The following INSYN2A variants were observed in gnomAD, a reference collection of about 807,000 sequenced individuals.
INSYN2A encodes the protein family with sequence similarity 196 member A.
Under a neutral mutation model 39.4 loss-of-function variants are expected in INSYN2A, and 17 were observed. That is an observed-to-expected ratio of 0.43 (90% CI 0.30 to 0.65). The LOEUF (loss-of-function observed/expected upper bound fraction) is 0.65. INSYN2A is among the 30% of genes least tolerant of loss of function. The pLI is 0.14. For missense variants in INSYN2A, 595 were observed against 631.2 expected (o/e 0.94, Z 0.61); for synonymous variants, 255 against 265.7 (o/e 0.96, Z 0.39).
intron 2 of INSYN2A, among the ~76,000 whole-genome samples, chr10:127,178,108 C>A (rs566353726): frequency 6.6e-6 from 1 of 152,194 alleles, no homozygotes; most frequent in African/African-American, 2.4e-5. Context: ...GAGACAACTT[C>A]ACAGCCACCA....
At chr10:127,163,627 A>G (rs1179687515) in intron 4 of INSYN2A, among the ~76,000 whole-genome samples, 1 of 152,180 alleles carries the variant, frequency 6.6e-6, no homozygotes, top group Non-Finnish European at 1.5e-5. Flanking sequence ...TAGGACTCTC[A>G]CAATTTTGTG....
chr10:127,176,424 G>C lies in INSYN2A; in HGVS notation c.-5-24C>G. 1 of 1,558,106 alleles carries C rather than the reference G, an allele frequency of 6.4e-7. No homozygotes were observed. On this transcript the variant is annotated intron_variant, in intron 3 of 5. Transcript: ENST00000522781. This position sits in a 1 kb window ranked among gnomAD's most constrained non-coding sequence, Gnocchi z 4.4. ...TCCTGCATTCAGAAACAGCAACAGA[G>C]GTGTCAGTGGGACAGAAATACACAC...
rs1182213050 is a variant in INSYN2A at position 127,196,552 on chromosome 10, C to T, written c.-950G>A. On this transcript the variant is annotated 5_prime_UTR_variant, in exon 1 of 6. Coordinates refer to ENST00000522781, the MANE Select transcript of INSYN2A (RefSeq NM_001039762.3). ...AGGGCGCCCCAAGCCGCGCGCCTGC[C>T]GCCTGTGCGCCCGGCTGGCACCGAG... is the stretch of plus-strand genomic sequence containing the variant. 3.4e-5 allele frequency among the ~76,000 whole-genome samples: 5 copies of T among 146,978 alleles called. No individual in the cohort carries two copies. Among genetic ancestry groups the T allele is most frequent in the African/African-American group, 1.2e-4 (5 of 40,748 alleles).
chr10:127,189,952 A>G (rs1174224137), intron 2 of INSYN2A, among the ~76,000 whole-genome samples: 1 of 152,242 alleles, frequency 6.6e-6, no homozygotes, highest in Non-Finnish European at 1.5e-5. Flanking sequence ...TAAGGCTGAG[A>G]GACAGACATC....
At chr10:127,149,331 C>T (rs1258815959) in intron 5 of INSYN2A, among the ~76,000 whole-genome samples, 1 of 152,218 alleles carries the variant, frequency 6.6e-6, no homozygotes, top group Non-Finnish European at 1.5e-5. Flanking sequence ...TGATGTTTCT[C>T]ACCTTTCGCT....
rs972837863 is a variant in INSYN2A, at chr10:127,135,701, G to A, written c.*2136C>T. 1 of 152,580 alleles carries A rather than the reference G, an allele frequency of 6.6e-6. No homozygotes were observed. Among genetic ancestry groups the A allele is most frequent in the East Asian group, 1.9e-4 (1 of 5,190 alleles). The allele number at this position is 152,580 out of a possible 1,614,324, so 9.5% of individuals were successfully genotyped here. A position where few individuals can be genotyped will look rare whatever the true frequency, so the allele number is the denominator to read the frequency against. On this transcript the variant is annotated 3_prime_UTR_variant, in exon 6 of 6. Transcript: ENST00000522781. ...TTAGGGATGAATTAATTTATCTTCA[G>A]AAGTTCCTTTTTGACTCTGAACATT...
chr10:127,192,864 G>C (rs1056961203), intron 1 of INSYN2A, 134 bp from the exon 2 acceptor site: 1 of 152,140 alleles, frequency 6.6e-6, no homozygotes, highest in African/African-American at 2.4e-5. Flanking sequence ...TTTGGTTCCT[G>C]CAAGTCTGTA....
At chr10:127,149,155 G>A (rs1448298903) in intron 5 of INSYN2A, among the ~76,000 whole-genome samples, 2 of 152,134 alleles carry the variant, frequency 1.3e-5, no homozygotes, top group Non-Finnish European at 1.5e-5. Flanking sequence ...TACATCCCTT[G>A]CATAATTGTA....
chr10:127,168,011 ATTCAT>A (rs1307406375), intron 4 of INSYN2A, among the ~76,000 whole-genome samples: 1 of 152,098 alleles, frequency 6.6e-6, no homozygotes, highest in African/African-American at 2.4e-5. Context: ...TTTGTCCATA[ATTCAT>A]TTCATCTCCA....
chr10:127,177,680 G>T (rs2055304227), intron 2 of INSYN2A, among the ~76,000 whole-genome samples: 1 of 152,190 alleles, frequency 6.6e-6, no homozygotes, highest in South Asian at 2.1e-4. Context: ...CCCTGTCCTG[G>T]GGGTGTCTGA....
chr10:127,154,055 T>G, intron 4 of INSYN2A, 132 bp from the exon 5 acceptor site: 6 of 657,038 alleles, frequency 9.1e-6, no homozygotes, highest in African/African-American at 1.8e-5. Context: ...TAATGCATGC[T>G]TCCCAGTTTG....
intron 4 of INSYN2A, among the ~76,000 whole-genome samples, chr10:127,162,770 C>T (rs542831093): frequency 6.6e-6 from 1 of 152,350 alleles, no homozygotes; most frequent in African/African-American, 2.4e-5. Flanking sequence ...CCGGCCTCCC[C>T]AGGCCTGCCA....
intron 5 of INSYN2A, among the ~76,000 whole-genome samples, chr10:127,148,178 C>T (rs553933643): frequency 2.6e-3 from 402 of 152,230 alleles, no homozygotes; most frequent in African/African-American, 7.5e-3. Flanking sequence ...AGCCTTGTGG[C>T]GTTCCCATCC....
rs766379230 is a variant in INSYN2A at position 127,175,534 on chromosome 10, G to A, written c.862C>T (p.Arg288Trp). ...QWSLCPADDE[R>W]RRATHLNGLQ... ...CCGTTGAGATGTGTGGCTCTCCTCC[G>A]CTCGTCATCTGCCGGGCAGAGTGAC... is the stretch of plus-strand genomic sequence containing the variant. The change falls in exon 4 of 6, where the codon CGG becomes TGG. Residue 288 changes from arginine to tryptophan, a missense_variant. Arg to Trp is a moderately radical substitution (Grantham distance 101, BLOSUM62 -3). This residue lies in a region of INSYN2A where 478 missense variants were observed against 467.4 expected (regional missense o/e 1.02). Transcript: ENST00000522781. The surrounding 1 kb of genome is among the most constrained non-coding windows in gnomAD (Gnocchi z 6.3). 14 of 1,610,276 alleles carry A rather than the reference G, an allele frequency of 8.7e-6. No individual in the cohort carries two copies. The highest frequency in any genetic ancestry group is 1.2e-5 in the Non-Finnish European group (14 of 1,179,994).
intron 4 of INSYN2A, among the ~76,000 whole-genome samples, chr10:127,173,105 A>G (rs1480902849): frequency 6.6e-6 from 1 of 152,144 alleles, no homozygotes; most frequent in Non-Finnish European, 1.5e-5. Context: ...CAAGACCACT[A>G]AGTCCTCCCC....
At chr10:127,141,987 C>T (rs2051306381) in intron 5 of INSYN2A, among the ~76,000 whole-genome samples, 1 of 152,220 alleles carries the variant, frequency 6.6e-6, no homozygotes, top group Non-Finnish European at 1.5e-5. Context: ...TAGGATTCTA[C>T]AGTAAGATCT....
intron 4 of INSYN2A, among the ~76,000 whole-genome samples, chr10:127,158,471 C>T (rs1037540789): frequency 6.6e-6 from 1 of 152,200 alleles, no homozygotes; most frequent in Non-Finnish European, 1.5e-5. Flanking sequence ...GTAAAGCACT[C>T]TTCCCTTTTG....
intron 2 of INSYN2A, among the ~76,000 whole-genome samples, chr10:127,184,252 C>A (rs184543538): frequency 4.4e-4 from 67 of 152,284 alleles, no homozygotes; most frequent in Admixed American, 1.4e-3. Flanking sequence ...TTAGTAGATT[C>A]TGTCAGTATT....
rs1189484179 is a variant in INSYN2A, at chr10:127,136,469, T to C, written c.*1368A>G. The C allele has an allele frequency of 8.7e-5, 12 of 138,258 alleles. No homozygotes were observed. Among genetic ancestry groups the C allele is most frequent in the Admixed American group, 8.6e-4 (12 of 13,876 alleles). The allele number at this position is 138,258 out of a possible 1,614,324, so 8.6% of individuals were successfully genotyped here. On this transcript the variant is annotated 3_prime_UTR_variant, in exon 6 of 6. Coordinates refer to ENST00000522781, the MANE Select transcript of INSYN2A (RefSeq NM_001039762.3). ...GTATGCTCACAAACTATTCAAAATT[T>C]AAGTTGTACAAAAAAAAAAAAAAAG...
Sources: allele counts gnomAD v4.1 joint callset (sites outside exome capture counted in the v4.1 genomes callset), GRCh38; gene constraint gnomAD v4.1.1; regional missense constraint gnomAD v4.1.1; non-coding constraint Gnocchi (gnomAD v3.1); transcripts MANE v1.5; gene names NCBI Gene and HGNC (gene_info 2026-07-23, HGNC 2026-07-21).